SLC41A2: variants seen among roughly 807,000 people sequenced by gnomAD.
SLC41A2 encodes the protein SLC41A1-like 1.
Under a neutral mutation model 58.3 loss-of-function variants are expected in SLC41A2, and 32 were observed. The observed-to-expected ratio is 0.55, with a 90% CI of 0.41 to 0.74. The LOEUF (loss-of-function observed/expected upper bound fraction) is 0.74, where lower values mean the gene tolerates loss of function less well. Among genes scored for constraint, SLC41A2 ranks in the 30% least tolerant of loss-of-function variants. The pLI is 0.00. For synonymous variants in SLC41A2, 190 were observed against 235.0 expected, an observed-to-expected ratio of 0.81 and a Z score of 1.75; for missense variants, 514 against 680.6, an observed-to-expected ratio of 0.76 and a Z score of 2.72.
intron 2 of SLC41A2, among the ~76,000 whole-genome samples, 158 bp from the exon 3 acceptor site, chr12:104,909,920 A>C (rs1337974814): frequency 6.6e-6 from 1 of 152,206 alleles, no homozygotes; most frequent in African/African-American, 2.4e-5. Flanking sequence ...GCTTAACTCC[A>C]TTCTCCTGAG....
intron 10 of SLC41A2, among the ~76,000 whole-genome samples, chr12:104,828,150 G>GGGCGGCTGAACGTCA (rs2041913161): frequency 6.6e-6 from 1 of 152,156 alleles, no homozygotes; most frequent in Non-Finnish European, 1.5e-5. Context: ...AGAAACAGAT[G>GGGCGGCTGAACGTCA]GGCGGCTGAA....
intron 6 of SLC41A2, among the ~76,000 whole-genome samples, chr12:104,874,684 T>TG (rs1253789379): frequency 6.6e-6 from 1 of 152,212 alleles, no homozygotes; most frequent in Non-Finnish European, 1.5e-5. Context: ...GGTTTACTTC[T>TG]GGGCTCTCTA....
At chr12:104,819,429 A>G (rs2041541472) in intron 10 of SLC41A2, among the ~76,000 whole-genome samples, 1 of 152,224 alleles carries the variant, frequency 6.6e-6, no homozygotes, top group South Asian at 2.1e-4. Flanking sequence ...ATGTATTTAT[A>G]TCTAGAAGTT....
chr12:104,850,680 G>A (rs777208034), intron 8 of SLC41A2, among the ~76,000 whole-genome samples: 4 of 152,168 alleles, frequency 2.6e-5, no homozygotes, highest in Non-Finnish European at 2.9e-5. Flanking sequence ...ATTGTTTTAA[G>A]GCTGAAATTA....
intron 2 of SLC41A2, among the ~76,000 whole-genome samples, chr12:104,922,394 T>C (rs1429163079): frequency 6.6e-6 from 1 of 151,956 alleles, no homozygotes; most frequent in Non-Finnish European, 1.5e-5. Context: ...TAGAATAGAC[T>C]ACAAATCAAA....
intron 2 of SLC41A2, among the ~76,000 whole-genome samples, chr12:104,923,741 A>G (rs1423545486): frequency 1.3e-5 from 2 of 152,196 alleles, no homozygotes; most frequent in Non-Finnish European, 1.5e-5. Flanking sequence ...TTCTGGACAC[A>G]TACAACTATT....
chr12:104,810,790 T>TA (rs1262757897), intron 10 of SLC41A2, among the ~76,000 whole-genome samples: 2 of 152,042 alleles, frequency 1.3e-5, no homozygotes, highest in African/African-American at 2.4e-5. Flanking sequence ...CTCTGACATA[T>TA]AAAAAAAGCT....
At chr12:104,859,991 C>G (rs917842610) in intron 8 of SLC41A2, among the ~76,000 whole-genome samples, 1 of 152,068 alleles carries the variant, frequency 6.6e-6, no homozygotes, top group Non-Finnish European at 1.5e-5. Flanking sequence ...GATCCACTTG[C>G]CTTGGCCTCG....
chr12:104,808,964 A>T (rs143585335), intron 10 of SLC41A2, among the ~76,000 whole-genome samples: 1 of 152,186 alleles, frequency 6.6e-6, no homozygotes, highest in Non-Finnish European at 1.5e-5. Flanking sequence ...GATAATGTTC[A>T]TGGTTTTGGA....
chr12:104,845,223 T>C (rs972510757), intron 9 of SLC41A2, among the ~76,000 whole-genome samples: 18 of 152,038 alleles, frequency 1.2e-4, no homozygotes, highest in African/African-American at 3.6e-4. Context: ...GCCCAGGAGT[T>C]TGAGGTGCAG....
chr12:104,808,929 GC>G (rs2136193766), intron 10 of SLC41A2, among the ~76,000 whole-genome samples: 1 of 152,250 alleles, frequency 6.6e-6, no homozygotes, highest in South Asian at 2.1e-4. Flanking sequence ...CCCTGAAGCA[GC>G]AAAATAAATT....
rs555256983 is a variant in SLC41A2 at position 104,844,939 on chromosome 12, T to G, written c.1388-319A>C. On this transcript the variant is annotated intron_variant, in intron 9 of 10. Transcript: ENST00000258538. The stretch of plus-strand genomic sequence containing the variant: ...GAATGTTTTAATTTTATTAATTTCT[T>G]TAGAATTCTATCACTGGTATTAAAA... 4.1e-5 allele frequency among the ~76,000 whole-genome samples: 6 copies of G among 147,706 alleles called. No individual in the cohort carries two copies. The East Asian group carries it at 1.2e-3, about 30-fold the overall frequency.
chr12:104,847,157 ATAAAT>A (rs1238098870), intron 8 of SLC41A2, among the ~76,000 whole-genome samples: 3 of 152,158 alleles, frequency 2.0e-5, no homozygotes, highest in South Asian at 2.1e-4. Context: ...AGACAGAGAC[ATAAAT>A]TAAAAGTAAA....
intron 7 of SLC41A2, among the ~76,000 whole-genome samples, chr12:104,862,530 A>G (rs1011161248): frequency 2.0e-5 from 3 of 152,190 alleles, no homozygotes; most frequent in African/African-American, 7.2e-5. Flanking sequence ...CAGTGATAAA[A>G]GTTACTATAG....
rs561797493 is a variant in SLC41A2 at position 104,928,121 on chromosome 12, G to C, written c.407C>G (p.Ser136Cys). Reference sequence around the variant, plus strand: ...AATAGCATCTTCATCACCATCACTAGATATATCTTCATCTTGTAACATGGC... The same window carrying C: ...AATAGCATCTTCATCACCATCACTACATATATCTTCATCTTGTAACATGGC... The part of the protein sequence containing the change: ...TTAMLQDEDI[S>C]SDGDEDAIVE... Residue 136 changes from serine to cysteine, a missense_variant, in exon 2 of 11, where the codon TCT (serine) becomes TGT (cysteine). Physicochemically the swap from Ser to Cys is moderately radical, Grantham distance 112 (BLOSUM62 -1). Around this residue, in one of 3 missense-constraint regions of SLC41A2, gnomAD observed 336 missense variants for 430.0 expected, o/e 0.78. Transcript: ENST00000258538. 1 of 1,614,132 alleles carries C rather than the reference G, an allele frequency of 6.2e-7. No homozygotes were observed. The highest frequency in any genetic ancestry group is 1.1e-5 in the South Asian group (1 of 91,074).
Position 104,916,666 on chromosome 12 carries a change from G to A in SLC41A2, c.556-6904C>T, listed in dbSNP as rs1323613724. Among the ~76,000 whole-genome samples, 4 of 152,056 alleles carry A rather than the reference G, an allele frequency of 2.6e-5. No individual in the cohort carries two copies. The East Asian group carries it at 7.7e-4, about 29-fold the overall frequency. On this transcript the variant is annotated intron_variant, in intron 2 of 10. Coordinates refer to ENST00000258538, the MANE Select transcript of SLC41A2 (RefSeq NM_001352171.3). ...ACAGAACAGAGCCCTCAGAAATAACGCCACATATCTACAACTATCTGATCT... is the reference window on the plus strand; with the variant it reads ...ACAGAACAGAGCCCTCAGAAATAACACCACATATCTACAACTATCTGATCT...
intron 10 of SLC41A2, among the ~76,000 whole-genome samples, chr12:104,839,056 A>T (rs902457728): frequency 6.6e-6 from 1 of 152,310 alleles, no homozygotes; most frequent in African/African-American, 2.4e-5. Flanking sequence ...TTCAAAATAA[A>T]TTTCCCATGG....
At chr12:104,919,064 TATCA>T (rs1190097551) in intron 2 of SLC41A2, among the ~76,000 whole-genome samples, 2 of 152,218 alleles carry the variant, frequency 1.3e-5, no homozygotes, top group African/African-American at 4.8e-5. Context: ...TCTATAATTT[TATCA>T]ATCAGAGAAT....
chr12:104,816,300 C>A (rs781323497), intron 10 of SLC41A2, among the ~76,000 whole-genome samples: 3 of 152,108 alleles, frequency 2.0e-5, no homozygotes, highest in Admixed American at 6.5e-5. Flanking sequence ...AAACAAAATA[C>A]CCCAAATGAC....
Sources: allele counts gnomAD v4.1 joint callset (sites outside exome capture counted in the v4.1 genomes callset), GRCh38; gene constraint gnomAD v4.1.1; regional missense constraint gnomAD v4.1.1; transcripts MANE v1.5; gene names NCBI Gene and HGNC (gene_info 2026-07-23, HGNC 2026-07-21).